The following KAT6A variants were observed in gnomAD, a reference collection of about 807,000 sequenced individuals.
KAT6A encodes the protein lysine acetyltransferase 6A, also known as histone acetyltransferase KAT6A.
A neutral mutation model predicts 198.4 loss-of-function variants in KAT6A; 9 were observed. The ratio of observed to expected loss-of-function variants is 0.05; its 90% CI spans 0.03 to 0.08. KAT6A has a LOEUF of 0.08. Ranked by LOEUF, KAT6A falls within the 10% of genes least tolerant of loss-of-function variation. The pLI is 1.00. For missense variants in KAT6A, 2,077 were observed against 2,509.9 expected (o/e 0.83, Z 3.69); for synonymous variants, 890 against 883.0 (o/e 1.01, Z -0.14).
At position 41,934,623 on chromosome 8, in the gene KAT6A, T is replaced by A. The variant is rs1821757887; in HGVS notation, c.3597A>T (p.Gly1199=). 6.2e-7 allele frequency: 1 copy of A among 1,613,972 alleles called. No individual in the cohort carries two copies. The highest frequency in any genetic ancestry group is 1.3e-5 in the African/African-American group (1 of 74,872). ...CACTCTCCTGGATCTTGGGTTTACGTCCAGCTTTAGGAATGGAAACGATGG... is the reference window on the plus strand; with the variant it reads ...CACTCTCCTGGATCTTGGGTTTACGACCAGCTTTAGGAATGGAAACGATGG... The part of the protein sequence containing the change: ...IEPIVSIPKA[G]RKPKIQESEE... The change falls in exon 17 of 17, where the codon GGA becomes GGT. Residue 1199 remains glycine, a synonymous_variant. Coordinates refer to ENST00000265713, the MANE Select transcript of KAT6A (RefSeq NM_006766.5).
intron 2 of KAT6A, among the ~76,000 whole-genome samples, chr8:42,001,597 T>C (rs1402449028): frequency 6.6e-6 from 1 of 152,184 alleles, no homozygotes; most frequent in Non-Finnish European, 1.5e-5. Context: ...TTAAAAGGCA[T>C]GGGGCTTAAG....
intron 11 of KAT6A, among the ~76,000 whole-genome samples, chr8:41,947,312 T>C (rs943120979): frequency 2.6e-5 from 4 of 152,222 alleles, no homozygotes; most frequent in African/African-American, 4.8e-5. Flanking sequence ...GTTCTCTGAC[T>C]AGAAATAAAC....
chr8:42,007,022 CAACT>C (rs1230532841), intron 2 of KAT6A, among the ~76,000 whole-genome samples: 1 of 145,512 alleles, frequency 6.9e-6, no homozygotes, highest in Non-Finnish European at 1.5e-5. Flanking sequence ...AAAAATCAGT[CAACT>C]TACTCTAATC....
intron 2 of KAT6A, among the ~76,000 whole-genome samples, chr8:42,031,315 G>C (rs996862864): frequency 1.3e-5 from 2 of 152,120 alleles, no homozygotes; most frequent in East Asian, 3.9e-4. Context: ...TATCTTGAAG[G>C]AAGTGGCAAA....
intron 2 of KAT6A, among the ~76,000 whole-genome samples, chr8:42,018,000 G>A (rs1045422084): frequency 4.6e-5 from 7 of 152,120 alleles, no homozygotes; most frequent in African/African-American, 1.2e-4. Context: ...AAGAAAAGAC[G>A]AGGGCATGAA....
At chr8:41,935,975 T>C (rs949605116) in intron 16 of KAT6A, among the ~76,000 whole-genome samples, 1 of 152,238 alleles carries the variant, frequency 6.6e-6, no homozygotes, top group Admixed American at 6.5e-5. Context: ...TTAAAAGTAT[T>C]TGTTGGCCAG....
intron 2 of KAT6A, among the ~76,000 whole-genome samples, chr8:42,032,583 G>T (rs901437478): frequency 1.3e-5 from 2 of 152,138 alleles, no homozygotes; most frequent in Non-Finnish European, 2.9e-5. Flanking sequence ...AGAGCAAAAG[G>T]TGAGTTTTTA....
At chr8:41,978,799 C>T in intron 5 of KAT6A, 22 bp from the exon 6 acceptor site, 1 of 1,609,234 alleles carries the variant, frequency 6.2e-7, no homozygotes, top group Non-Finnish European at 8.5e-7. Context: ...TAAAATTCCA[C>T]ATAGAAGTGT....
rs1049108082 is a variant in KAT6A at position 41,978,581 on chromosome 8, C to T, written c.1043+61G>A. 6.5e-6 allele frequency: 10 copies of T among 1,532,610 alleles called. No homozygotes were observed. In the Middle Eastern group the frequency reaches 5.2e-4, roughly 80 times the overall value. The allele number at this position is 1,532,610 out of a possible 1,614,324, so 94.9% of individuals were successfully genotyped here. A position where few individuals can be genotyped will look rare whatever the true frequency, so the allele number is the denominator to read the frequency against. On this transcript the variant is annotated intron_variant, in intron 6 of 16. Transcript: ENST00000265713. Reference sequence around the variant, plus strand: ...TTTTTCATAGAGAAAACAAGTGAATCCTACACTATAGAGAAGACCCTATCC... The same window carrying T: ...TTTTTCATAGAGAAAACAAGTGAATTCTACACTATAGAGAAGACCCTATCC...
At chr8:41,945,526 T>A (rs1381887505) in intron 12 of KAT6A, among the ~76,000 whole-genome samples, 1 of 152,010 alleles carries the variant, frequency 6.6e-6, no homozygotes, top group Non-Finnish European at 1.5e-5. Context: ...CACTTTGGCC[T>A]CCCAAAGTGT....
chr8:41,998,117 A>C (rs1370022719), intron 2 of KAT6A, among the ~76,000 whole-genome samples: 2 of 152,170 alleles, frequency 1.3e-5, no homozygotes, highest in Non-Finnish European at 2.9e-5. Context: ...ATAACATAAA[A>C]ATTTGAATCA....
chr8:41,946,790 T>C, intron 11 of KAT6A, 106 bp from the exon 12 acceptor site: 1 of 679,860 alleles, frequency 1.5e-6, no homozygotes, highest in Non-Finnish European at 2.6e-6. Flanking sequence ...GCCCTGGTCC[T>C]TTGGGAATAG....
chr8:41,962,386 T>C (rs1038019025), intron 8 of KAT6A, among the ~76,000 whole-genome samples: 1 of 152,124 alleles, frequency 6.6e-6, no homozygotes, highest in African/African-American at 2.4e-5. Context: ...GCTCTTCCTA[T>C]TTCCCCATCT....
chr8:42,051,457 G>A (rs890095315), intron 1 of KAT6A, among the ~76,000 whole-genome samples: 20 of 148,786 alleles, frequency 1.3e-4, no homozygotes, highest in Middle Eastern at 3.4e-3. Flanking sequence ...GAAGCGGCCC[G>A]GCCCGGCACA....
intron 8 of KAT6A, among the ~76,000 whole-genome samples, chr8:41,971,087 G>C (rs553297333): frequency 5.3e-5 from 8 of 152,156 alleles, no homozygotes; most frequent in Non-Finnish European, 1.0e-4. Flanking sequence ...GTGGGAGGAG[G>C]GGGGAGGGAT....
chr8:41,974,898 A>G, intron 7 of KAT6A, 76 bp from the exon 8 acceptor site: 1 of 834,064 alleles, frequency 1.2e-6, no homozygotes, highest in Non-Finnish European at 2.0e-6. Context: ...TCAGGTCTTT[A>G]TTTCAATTTG....
chr8:41,987,627 T>C (rs1033696237), intron 2 of KAT6A, 64 bp from the exon 3 acceptor site: 20 of 951,634 alleles, frequency 2.1e-5, no homozygotes, highest in Non-Finnish European at 2.8e-5. Context: ...TACAAAGACA[T>C]CAAAATTATA....
At chr8:42,043,756 T>C (rs1827775881) in intron 2 of KAT6A, among the ~76,000 whole-genome samples, 1 of 152,220 alleles carries the variant, frequency 6.6e-6, no homozygotes, top group South Asian at 2.1e-4. Context: ...GTGGTCAGTA[T>C]GGCTATTACA....
Position 41,933,430 on chromosome 8 carries a change from C to G in KAT6A, c.4790G>C (p.Ser1597Thr). Residue 1597 changes from serine (S) to threonine (T), a missense_variant, in exon 17 of 17, where the codon AGC becomes ACC. Ser to Thr is a moderately conservative substitution (Grantham distance 58). Transcript: ENST00000265713. The surrounding 1 kb of genome is among the most constrained non-coding windows in gnomAD (Gnocchi z 6.2). ...GACCACACAGCTGCTCTGGGTGAGG[C>G]TGCTGGAGGACGACAGCCCACCGTA... ...CSYGGLSSSS[S>T]LTQSSCVVTQ... The G allele has an allele frequency of 6.2e-7, 1 of 1,612,196 alleles. No individual in the cohort carries two copies. The highest frequency in any genetic ancestry group is 8.5e-7 in the Non-Finnish European group (1 of 1,179,396).
Sources: allele counts gnomAD v4.1 joint callset (sites outside exome capture counted in the v4.1 genomes callset), GRCh38; gene constraint gnomAD v4.1.1; non-coding constraint Gnocchi (gnomAD v3.1); transcripts MANE v1.5; gene names NCBI Gene and HGNC (gene_info 2026-07-23, HGNC 2026-07-21).